Variants in MYRIP observed in about 807,000 individuals in gnomAD.
The protein encoded by MYRIP is myosin VIIA and Rab interacting protein, also known as rab effector MyRIP.
Under a neutral mutation model 98.0 loss-of-function variants are expected in MYRIP, and 49 were observed. That is an observed-to-expected ratio of 0.50 (90% CI 0.40 to 0.63). The LOEUF (loss-of-function observed/expected upper bound fraction) is 0.63. MYRIP is among the 30% of genes least tolerant of loss of function. The probability of loss-of-function intolerance (pLI) is 0.00; values close to 1 mark genes in which losing one functional copy is unlikely to be tolerated. For missense variants in MYRIP, 1,004 were observed against 1,058.2 expected (o/e 0.95, Z 0.71); for synonymous variants, 404 against 409.5 (o/e 0.99, Z 0.16).
Position 40,189,818 on chromosome 3 carries a change from A to T in MYRIP, c.1028-8A>T. 6.2e-7 allele frequency: 1 copy of T among 1,600,630 alleles called. No individual in the cohort carries two copies. The highest frequency in any genetic ancestry group is 8.5e-7 in the Non-Finnish European group (1 of 1,174,180). ...CCTCTCTGCTTTCTCTATCCTCTCC[A>T]TCCACAGACCTGGCCCCAGTTTTGC... On this transcript the variant is annotated splice_polypyrimidine_tract_variant and splice_region_variant and intron_variant, in intron 9 of 16. Coordinates refer to ENST00000302541, the MANE Select transcript of MYRIP (RefSeq NM_015460.4).
At chr3:39,970,965 A>G (rs1405625535) in intron 2 of MYRIP, among the ~76,000 whole-genome samples, 1 of 152,164 alleles carries the variant, frequency 6.6e-6, no homozygotes, top group Non-Finnish European at 1.5e-5. Context: ...AGTTTTGTTA[A>G]CATGTATATT....
At chr3:39,983,185 T>C (rs1945937012) in intron 2 of MYRIP, among the ~76,000 whole-genome samples, 1 of 152,220 alleles carries the variant, frequency 6.6e-6, no homozygotes, top group Admixed American at 6.5e-5. Flanking sequence ...GGCCTTTCTG[T>C]GGCCCGGTTC....
At chr3:40,196,607 C>A (rs1192783542) in intron 10 of MYRIP, among the ~76,000 whole-genome samples, 1 of 152,092 alleles carries the variant, frequency 6.6e-6, no homozygotes, top group Non-Finnish European at 1.5e-5. Flanking sequence ...TTGAGACTGC[C>A]TTTATGATTT....
At chr3:39,826,875 T>TTTA (rs1941282998) in intron 1 of MYRIP, among the ~76,000 whole-genome samples, 1 of 152,214 alleles carries the variant, frequency 6.6e-6, no homozygotes, top group Non-Finnish European at 1.5e-5. Context: ...GATTGGTCTC[T>TTTA]TTATTATTAT....
At chr3:40,009,362 G>A (rs781416109) in intron 2 of MYRIP, among the ~76,000 whole-genome samples, 8 of 151,224 alleles carry the variant, frequency 5.3e-5, no homozygotes, top group African/African-American at 1.7e-4. Flanking sequence ...TCAGCCTCCC[G>A]AGTAGCTGGG....
At chr3:39,869,403 GT>G (rs989434953) in intron 1 of MYRIP, among the ~76,000 whole-genome samples, 3 of 150,920 alleles carry the variant, frequency 2.0e-5, no homozygotes, top group East Asian at 2.0e-4. Flanking sequence ...ATTTTAATTT[GT>G]TTTTTTTCAT....
chr3:40,252,685 T>G lies in MYRIP; in HGVS notation c.2547+686T>G, dbSNP rs190656743. ...AGCTGAAAGAGCACACTCACCTATG[T>G]GGCAAAATAGTGGGAAGATGCATGA... On this transcript the variant is annotated intron_variant, in intron 16 of 16. Transcript: ENST00000302541. 4.1e-3 allele frequency among the ~76,000 whole-genome samples: 619 copies of G among 152,314 alleles called. 15 individuals carry two copies. The highest frequency in any genetic ancestry group is 0.035 in the Admixed American group (534 of 15,300).
intron 2 of MYRIP, among the ~76,000 whole-genome samples, chr3:39,988,086 G>C (rs527255137): frequency 2.6e-5 from 4 of 152,016 alleles, no homozygotes; most frequent in East Asian, 3.9e-4. Context: ...CGCATATTCT[G>C]ACTCATAGGT....
chr3:39,938,504 A>G (rs1290652428), intron 2 of MYRIP, among the ~76,000 whole-genome samples: 3 of 152,154 alleles, frequency 2.0e-5, no homozygotes, highest in Non-Finnish European at 1.5e-5. Flanking sequence ...TGGGATTGCT[A>G]GGTCATAGAG....
intron 3 of MYRIP, among the ~76,000 whole-genome samples, chr3:40,063,561 T>A (rs1354116134): frequency 6.6e-6 from 1 of 152,236 alleles, no homozygotes; most frequent in African/African-American, 2.4e-5. Flanking sequence ...TTCACTTGCA[T>A]CTTTGTATAT....
chr3:39,992,270 T>C (rs1195061373), intron 2 of MYRIP, among the ~76,000 whole-genome samples: 1 of 152,192 alleles, frequency 6.6e-6, no homozygotes, highest in African/African-American at 2.4e-5. Flanking sequence ...TCTTTCCCCA[T>C]GCAATGTAGT....
intron 2 of MYRIP, among the ~76,000 whole-genome samples, chr3:39,971,156 C>T (rs1945571186): frequency 6.6e-6 from 1 of 152,064 alleles, no homozygotes; most frequent in South Asian, 2.1e-4. Flanking sequence ...GTTAGTAAAG[C>T]TTGTTAATGT....
chr3:40,245,785 T>C (rs916120756), intron 13 of MYRIP, among the ~76,000 whole-genome samples: 15 of 137,738 alleles, frequency 1.1e-4, no homozygotes, highest in African/African-American at 4.2e-4. Context: ...TCTTACTCTG[T>C]CACCCAGGCT....
At position 39,985,022 on chromosome 3, in the gene MYRIP, CT is replaced by C. The variant is rs569698720; in HGVS notation, c.111-59026del. Among the ~76,000 whole-genome samples the C allele has an allele frequency of 2.7e-5, 4 of 148,010 alleles. No individual in the cohort carries two copies. The South Asian group carries it at 8.6e-4, about 32-fold the overall frequency. Reference sequence around the variant, plus strand: ...ATGTGTTTTTTGGCTGCATAAATGTCTTCTTTTGAGAAGTGTCTGTTCATGT... The same window carrying C: ...ATGTGTTTTTTGGCTGCATAAATGTCTCTTTTGAGAAGTGTCTGTTCATGT... On this transcript the variant is annotated intron_variant, in intron 2 of 16. Transcript: ENST00000302541.
chr3:40,078,299 C>G (rs1454071349), intron 3 of MYRIP, among the ~76,000 whole-genome samples: 2 of 152,218 alleles, frequency 1.3e-5, no homozygotes, highest in Non-Finnish European at 2.9e-5. Context: ...TTCGCATTCG[C>G]ACCTCTCTCC....
chr3:39,854,009 T>C (rs1306862803), intron 1 of MYRIP, among the ~76,000 whole-genome samples: 1 of 152,160 alleles, frequency 6.6e-6, no homozygotes, highest in Non-Finnish European at 1.5e-5. Context: ...TTGAATAGGG[T>C]GTCCTTTCCT....
At chr3:40,220,182 G>A (rs1952292918) in intron 11 of MYRIP, among the ~76,000 whole-genome samples, 1 of 151,922 alleles carries the variant, frequency 6.6e-6, no homozygotes, top group Non-Finnish European at 1.5e-5. Flanking sequence ...TGATGGGGTT[G>A]TTTGTTTTTT....
At chr3:40,106,791 A>G (rs938218544) in intron 3 of MYRIP, among the ~76,000 whole-genome samples, 3 of 152,128 alleles carry the variant, frequency 2.0e-5, no homozygotes, top group South Asian at 2.1e-4. Context: ...ATCACTGGAA[A>G]CACAATCATC....
intron 3 of MYRIP, among the ~76,000 whole-genome samples, chr3:40,136,530 G>A (rs1949775184): frequency 6.6e-6 from 1 of 151,940 alleles, no homozygotes; most frequent in Admixed American, 6.6e-5. Context: ...TGCACCAAGT[G>A]GACCTAATAG....
Sources: gnomAD v4.1 joint callset for allele counts (sites outside exome capture counted in the v4.1 genomes callset) on GRCh38, gnomAD v4.1.1 for gene constraint, MANE v1.5 for transcripts, NCBI Gene and HGNC (gene_info 2026-07-23, HGNC 2026-07-21) for gene names.